The following TSPAN14 variants were observed in gnomAD, a reference collection of about 807,000 sequenced individuals.
TSPAN14 encodes tetraspanin 14.
In TSPAN14, 16 loss-of-function variants were observed where a neutral mutation model predicts 36.6. The ratio of observed to expected loss-of-function variants is 0.44; its 90% CI spans 0.30 to 0.66. TSPAN14 has a LOEUF of 0.66. Among genes scored for constraint, TSPAN14 ranks in the 30% least tolerant of loss-of-function variants. The pLI, the probability that TSPAN14 is intolerant of heterozygous loss-of-function variation, is 0.12. For synonymous variants in TSPAN14, 139 were observed against 143.8 expected (o/e 0.97, Z 0.24); for missense variants, 231 against 355.1 (o/e 0.65, Z 2.81).
At chr10:80,456,600 A>C (rs944221495) in intron 1 of TSPAN14, among the ~76,000 whole-genome samples, 3 of 152,258 alleles carry the variant, frequency 2.0e-5, no homozygotes, top group Admixed American at 6.5e-5. Flanking sequence ...CAACTGAGGT[A>C]GAATTCCTTT....
At chr10:80,456,788 C>T (rs918419838) in intron 1 of TSPAN14, among the ~76,000 whole-genome samples, 4 of 152,174 alleles carry the variant, frequency 2.6e-5, no homozygotes, top group Admixed American at 1.3e-4. Flanking sequence ...GATGGCTGGG[C>T]GTGATGGCTC....
At chr10:80,493,363 A>G (rs1227977598) in intron 2 of TSPAN14, among the ~76,000 whole-genome samples, 1 of 152,240 alleles carries the variant, frequency 6.6e-6, no homozygotes, top group Non-Finnish European at 1.5e-5. Flanking sequence ...CACAAAAGTT[A>G]AAAATAGAAT....
intron 6 of TSPAN14, among the ~76,000 whole-genome samples, chr10:80,513,565 A>C (rs1488412841): frequency 6.6e-6 from 1 of 152,352 alleles, no homozygotes; most frequent in South Asian, 2.1e-4. Context: ...ACCTCCTAGC[A>C]AACTGTGGCC....
At chr10:80,496,814 A>T (rs1848221000) in intron 2 of TSPAN14, among the ~76,000 whole-genome samples, 1 of 151,786 alleles carries the variant, frequency 6.6e-6, no homozygotes, top group Non-Finnish European at 1.5e-5. Flanking sequence ...ACATTTAGGT[A>T]TTTTTTATGT....
chr10:80,463,535 C>T (rs11203034), intron 1 of TSPAN14, among the ~76,000 whole-genome samples: 64,641 of 151,988 alleles, frequency 0.43, 14,977 homozygotes, highest in East Asian at 0.86. Flanking sequence ...GAGAATTTAT[C>T]CCAGGATTGT....
chr10:80,478,058 A>T (rs1847025513), intron 1 of TSPAN14, among the ~76,000 whole-genome samples: 1 of 152,200 alleles, frequency 6.6e-6, no homozygotes, highest in Non-Finnish European at 1.5e-5. Context: ...GCCAGGGATT[A>T]CTAGATGGCT....
At chr10:80,481,713 C>T (rs1847286667) in intron 1 of TSPAN14, among the ~76,000 whole-genome samples, 1 of 152,216 alleles carries the variant, frequency 6.6e-6, no homozygotes, top group African/African-American at 2.4e-5. Context: ...GTAACCTCCG[C>T]CTCCTGGGTT....
intron 8 of TSPAN14, among the ~76,000 whole-genome samples, chr10:80,517,166 C>T (rs538334328): frequency 1.3e-5 from 2 of 152,008 alleles, no homozygotes; most frequent in African/African-American, 2.4e-5. Context: ...TGAGGTAGAC[C>T]CAGGGCCACC....
At chr10:80,511,406 A>G (rs1840610535) in intron 5 of TSPAN14, among the ~76,000 whole-genome samples, 1 of 152,202 alleles carries the variant, frequency 6.6e-6, no homozygotes, top group South Asian at 2.1e-4. Flanking sequence ...ACTGCACACT[A>G]GGAAGTGTTC....
intron 1 of TSPAN14, among the ~76,000 whole-genome samples, chr10:80,460,203 TG>T (rs1845904832): frequency 6.6e-6 from 1 of 152,078 alleles, no homozygotes; most frequent in Non-Finnish European, 1.5e-5. Context: ...GAGCGGAGTG[TG>T]GGGGCTCCTG....
rs761505698 is a variant in TSPAN14 at position 80,520,655 on chromosome 10, TC to T, written c.*2681del. On this transcript the variant is annotated 3_prime_UTR_variant, in exon 9 of 9. Transcript: ENST00000429989. ...TGTCCCGTCTTCCTATCGCTGGCCT[TC>T]CTTTCCCATCCTAAAAACTTGCCGA... The T allele has an allele frequency of 3.7e-6, 2 of 533,490 alleles. 1 individual carries two copies. The highest frequency in any genetic ancestry group is 2.8e-5 in the South Asian group (2 of 71,592). 33.0% of individuals were successfully genotyped at this position (533,490 alleles called of 1,614,324 possible).
intron 1 of TSPAN14, among the ~76,000 whole-genome samples, chr10:80,462,609 G>A (rs151006313): frequency 0.023 from 3,449 of 152,310 alleles, 50 homozygotes; most frequent in Middle Eastern, 0.041. Flanking sequence ...TGACACGTCA[G>A]TTAAAGGAAG....
exon 6 of TSPAN14, chr10:80,512,259 C>T: frequency 6.2e-7 from 1 of 1,613,922 alleles, no homozygotes; most frequent in Non-Finnish European, 8.5e-7. Context: ...TGCTGCGTGC[C>T]AGATCCTGCG....
chr10:80,512,589 C>T (rs556837468), intron 6 of TSPAN14, among the ~76,000 whole-genome samples: 2 of 152,354 alleles, frequency 1.3e-5, no homozygotes, highest in East Asian at 3.8e-4. Context: ...TCCCTCTTCC[C>T]TGTCCTTTTT....
At chr10:80,492,999 T>C (rs1848005428) in intron 2 of TSPAN14, among the ~76,000 whole-genome samples, 2 of 152,166 alleles carry the variant, frequency 1.3e-5, no homozygotes, top group African/African-American at 2.4e-5. Flanking sequence ...CTGAACCTCT[T>C]GGTTTACAGA....
intron 1 of TSPAN14, among the ~76,000 whole-genome samples, chr10:80,474,004 T>G (rs1277949328): frequency 6.6e-6 from 1 of 152,110 alleles, no homozygotes; most frequent in Non-Finnish European, 1.5e-5. Context: ...CCTCCTAGGC[T>G]TCTCTCCCTG....
chr10:80,455,636 C>T (rs939370528), intron 1 of TSPAN14, among the ~76,000 whole-genome samples: 12 of 152,210 alleles, frequency 7.9e-5, no homozygotes, highest in African/African-American at 2.6e-4. Flanking sequence ...TCGGAGCACC[C>T]CTATGTCCTT....
chr10:80,471,670 A>G (rs1846559372), intron 1 of TSPAN14, among the ~76,000 whole-genome samples: 3 of 152,090 alleles, frequency 2.0e-5, no homozygotes, highest in African/African-American at 7.2e-5. Context: ...TTCACCTTCA[A>G]TGGCAGAGGG....
intron 1 of TSPAN14, among the ~76,000 whole-genome samples, chr10:80,487,911 C>T (rs1234494607): frequency 6.6e-6 from 1 of 152,148 alleles, no homozygotes; most frequent in African/African-American, 2.4e-5. Flanking sequence ...GTTCCGTTTC[C>T]AGAGGAGTGT....
Sources: gnomAD v4.1 joint callset for allele counts (sites outside exome capture counted in the v4.1 genomes callset) on GRCh38, gnomAD v4.1.1 for gene constraint, MANE v1.5 for transcripts, NCBI Gene and HGNC (gene_info 2026-07-23, HGNC 2026-07-21) for gene names.